Variants in UTRN observed in about 807,000 individuals in gnomAD.
UTRN encodes utrophin.
A neutral mutation model predicts 463.9 loss-of-function variants in UTRN; 283 were observed. That is an observed-to-expected ratio of 0.61 (90% confidence interval 0.55 to 0.67). The LOEUF (loss-of-function observed/expected upper bound fraction) is 0.67. Ranked by LOEUF, UTRN falls within the 30% of genes least tolerant of loss-of-function variation. UTRN has a pLI of 0.00. For missense variants in UTRN, 3,922 were observed against 4,084.3 expected, an observed-to-expected ratio of 0.96 and a Z score of 1.08; for synonymous variants, 1,442 against 1,431.5, an observed-to-expected ratio of 1.01 and a Z score of -0.17.
chr6:144,296,487 C>G (rs1187815816), intron 2 of UTRN, among the ~76,000 whole-genome samples: 1 of 152,132 alleles, frequency 6.6e-6, no homozygotes, highest in Non-Finnish European at 1.5e-5. Context: ...GAGCAGGGAC[C>G]AATACATCCC....
intron 3 of UTRN, among the ~76,000 whole-genome samples, chr6:144,413,631 A>G (rs1784109447): frequency 1.3e-5 from 2 of 152,176 alleles, no homozygotes; most frequent in South Asian, 4.1e-4. Context: ...GTGGGGACAC[A>G]GCCAAACTGT....
intron 32 of UTRN, 98 bp downstream of exon 32, chr6:144,491,200 G>T (rs1793041126): frequency 8.5e-7 from 1 of 1,170,504 alleles, no homozygotes; most frequent in Non-Finnish European, 1.2e-6. Flanking sequence ...GTGATCACTA[G>T]TCTACAGTGT....
Position 144,423,553 on chromosome 6 carries a change from A to G in UTRN, c.239A>G (p.Lys80Arg). 6.2e-7 allele frequency: 1 copy of G among 1,614,206 alleles called. No individual in the cohort carries two copies. The highest frequency in any genetic ancestry group is 8.5e-7 in the Non-Finnish European group (1 of 1,180,028). The change falls in exon 5 of 75, where the codon AAG becomes AGG. Residue 80 changes from lysine to arginine, a missense_variant. This residue lies in a region of UTRN where 264 missense variants were observed against 327.9 expected (regional missense o/e 0.81). Coordinates refer to ENST00000367545, the MANE Select transcript of UTRN (RefSeq NM_007124.3). ...LEGLTGTSLP[K>R]ERGSTRVHAL... Reference sequence around the variant, plus strand: ...CTTTTTTGTTTTATTTTCCAGCCAAAGGAACGTGGTTCCACAAGGGTACAT... The same window carrying G: ...CTTTTTTGTTTTATTTTCCAGCCAAGGGAACGTGGTTCCACAAGGGTACAT...
At chr6:144,426,062 T>G (rs1785266628) in intron 6 of UTRN, among the ~76,000 whole-genome samples, 2 of 152,194 alleles carry the variant, frequency 1.3e-5, no homozygotes. Flanking sequence ...CAGTAATGTA[T>G]AAAAGTGAGG....
chr6:144,609,987 A>T (rs1049767680), intron 51 of UTRN, among the ~76,000 whole-genome samples: 2 of 152,128 alleles, frequency 1.3e-5, no homozygotes, highest in Non-Finnish European at 2.9e-5. Context: ...AAGAAATATC[A>T]TGAATAAACA....
At chr6:144,468,671 A>G (rs984659345) in intron 23 of UTRN, among the ~76,000 whole-genome samples, 1 of 152,066 alleles carries the variant, frequency 6.6e-6, no homozygotes, top group African/African-American at 2.4e-5. Flanking sequence ...TCATTATTGT[A>G]GATTAGAAGC....
intron 12 of UTRN, among the ~76,000 whole-genome samples, 165 bp from the exon 13 acceptor site, chr6:144,440,187 A>G (rs1787007831): frequency 6.6e-6 from 1 of 152,246 alleles, no homozygotes; most frequent in South Asian, 2.1e-4. Flanking sequence ...GAATGTAAAG[A>G]TGTATAATAG....
chr6:144,456,695 T>TAAA lies in UTRN; in HGVS notation c.2285-2074_2285-2072dup, dbSNP rs1554259175. Among the ~76,000 whole-genome samples, 34 of 146,380 alleles carry TAAA rather than the reference T, an allele frequency of 2.3e-4. 1 individual carries two copies. The Middle Eastern group carries it at 0.011, about 47-fold the overall frequency. ...ATAATAATAATAATAATAATAATAA[T>TAAA]AAATAAAATAGTGTGTTTCATTTGA... On this transcript the variant is annotated intron_variant, in intron 19 of 74. Transcript: ENST00000367545.
At chr6:144,576,424 A>C (rs1801441382) in intron 50 of UTRN, among the ~76,000 whole-genome samples, 1 of 152,206 alleles carries the variant, frequency 6.6e-6, no homozygotes, top group Admixed American at 6.5e-5. Flanking sequence ...ATTTTGATGT[A>C]GATTTAATGA....
At chr6:144,557,712 C>T (rs992431702) in intron 50 of UTRN, among the ~76,000 whole-genome samples, 6 of 152,042 alleles carry the variant, frequency 3.9e-5, no homozygotes, top group African/African-American at 1.4e-4. Context: ...TTGGGTGGGG[C>T]ATCCTAAGTT....
chr6:144,544,507 T>C (rs1355560720), intron 46 of UTRN, among the ~76,000 whole-genome samples: 2 of 152,154 alleles, frequency 1.3e-5, no homozygotes, highest in African/African-American at 4.8e-5. Flanking sequence ...AATGGAGTCA[T>C]ACGATGCTTC....
At chr6:144,569,553 A>AT (rs1358559276) in intron 50 of UTRN, among the ~76,000 whole-genome samples, 2 of 152,138 alleles carry the variant, frequency 1.3e-5, no homozygotes, top group Non-Finnish European at 2.9e-5. Flanking sequence ...CCTCCTTCAA[A>AT]TATTGCTGCA....
intron 60 of UTRN, among the ~76,000 whole-genome samples, chr6:144,775,739 A>G (rs977553272): frequency 6.6e-6 from 1 of 152,174 alleles, no homozygotes; most frequent in Non-Finnish European, 1.5e-5. Context: ...CAAAATTTCC[A>G]TTGACAGAAG....
intron 65 of UTRN, among the ~76,000 whole-genome samples, chr6:144,819,451 T>G (rs987841266): frequency 6.6e-6 from 1 of 152,090 alleles, no homozygotes; most frequent in African/African-American, 2.4e-5. Context: ...TCCCAGCACT[T>G]TGGGAATCTG....
intron 51 of UTRN, among the ~76,000 whole-genome samples, chr6:144,579,522 T>A (rs1801760583): frequency 6.6e-6 from 1 of 152,198 alleles, no homozygotes; most frequent in African/African-American, 2.4e-5. Flanking sequence ...TTTAATGATG[T>A]CTTCTGACAT....
At position 144,377,518 on chromosome 6, in the gene UTRN, A is replaced by AGCCTTGAT. The variant is rs1780570579; in HGVS notation, c.80-25602_80-25595dup. Among the ~76,000 whole-genome samples the AGCCTTGAT allele has an allele frequency of 2.0e-5, 3 of 152,300 alleles. No homozygotes were observed. The South Asian group carries it at 6.2e-4, about 32-fold the overall frequency. On this transcript the variant is annotated intron_variant, in intron 2 of 74. Coordinates refer to ENST00000367545, the MANE Select transcript of UTRN (RefSeq NM_007124.3). The stretch of plus-strand genomic sequence containing the variant: ...AACCCTATATGATCTTTGAATTCAG[A>AGCCTTGAT]GCCTTGATGCTAGCCTGAGAGTCTG...
intron 50 of UTRN, among the ~76,000 whole-genome samples, chr6:144,560,516 C>G (rs1250653946): frequency 6.6e-6 from 1 of 152,096 alleles, no homozygotes; most frequent in African/African-American, 2.4e-5. Context: ...CTCTTATCTT[C>G]CAGCCTGTTC....
At chr6:144,684,936 G>T (rs1004911158) in intron 52 of UTRN, among the ~76,000 whole-genome samples, 2 of 152,058 alleles carry the variant, frequency 1.3e-5, no homozygotes, top group African/African-American at 4.8e-5. Context: ...ATTGTATAGC[G>T]GTGAAGTCTG....
intron 6 of UTRN, among the ~76,000 whole-genome samples, chr6:144,424,425 T>C (rs1785115970): frequency 6.6e-6 from 1 of 152,192 alleles, no homozygotes; most frequent in Non-Finnish European, 1.5e-5. Context: ...AGGACATCAG[T>C]CATATTGGAT....
Sources: allele counts gnomAD v4.1 joint callset (sites outside exome capture counted in the v4.1 genomes callset), GRCh38; gene constraint gnomAD v4.1.1; regional missense constraint gnomAD v4.1.1; transcripts MANE v1.5; gene names NCBI Gene and HGNC (gene_info 2026-07-23, HGNC 2026-07-21).